The following EFR3A variants were observed in gnomAD, a reference collection of about 807,000 sequenced individuals.
The protein encoded by EFR3A is EFR3 homolog A.
EFR3A carries 76 observed loss-of-function variants against 104.4 expected under a neutral mutation model. The observed-to-expected ratio is 0.73, with a 90% CI of 0.60 to 0.88. The LOEUF is 0.88. Ranked by LOEUF, EFR3A falls within the 40% of genes least tolerant of loss-of-function variation. The probability of loss-of-function intolerance (pLI) is 0.00; values close to 1 mark genes in which losing one functional copy is unlikely to be tolerated. For synonymous variants in EFR3A, 330 were observed against 330.0 expected (o/e 1.00, Z 0.00); for missense variants, 985 against 1,012.5 (o/e 0.97, Z 0.37).
intron 1 of EFR3A, among the ~76,000 whole-genome samples, chr8:131,927,039 A>G (rs1002891034): frequency 1.1e-4 from 17 of 152,096 alleles, no homozygotes; most frequent in African/African-American, 4.1e-4. Flanking sequence ...TCAATGTAAC[A>G]TTTCACCCTG....
rs199930363 is a variant in EFR3A, at chr8:131,951,597, G to A, written c.488+1507G>A. On this transcript the variant is annotated intron_variant, in intron 5 of 22. Transcript: ENST00000254624. The stretch of plus-strand genomic sequence containing the variant: ...ATAGAAAATATCTGGAATGTAGTAC[G>A]TTTTTCTAAGTATTTATCATCCCCT... Among the ~76,000 whole-genome samples, 28 of 152,068 alleles carry A rather than the reference G, an allele frequency of 1.8e-4. No individual in the cohort carries two copies. The East Asian group carries it at 3.3e-3, about 18-fold the overall frequency.
chr8:131,907,226 A>C (rs1816300031), intron 1 of EFR3A, among the ~76,000 whole-genome samples: 1 of 152,208 alleles, frequency 6.6e-6, no homozygotes, highest in African/African-American at 2.4e-5. Flanking sequence ...CCATCCTGTC[A>C]CAGAAATCTT....
intron 18 of EFR3A, 117 bp from the exon 19 acceptor site, chr8:131,996,289 A>AATTC: frequency 3.2e-6 from 2 of 620,996 alleles, no homozygotes; most frequent in Admixed American, 7.4e-5. Flanking sequence ...AGGAACAAAA[A>AATTC]AGACAAACTG....
intron 1 of EFR3A, among the ~76,000 whole-genome samples, chr8:131,911,073 C>T (rs1404458073): frequency 6.6e-6 from 1 of 152,004 alleles, no homozygotes; most frequent in Non-Finnish European, 1.5e-5. Flanking sequence ...TTATTCTTCC[C>T]CAGAAATGCA....
At chr8:131,999,488 A>C (rs1198486962) in intron 19 of EFR3A, among the ~76,000 whole-genome samples, 2 of 152,232 alleles carry the variant, frequency 1.3e-5, no homozygotes, top group Admixed American at 6.5e-5. Context: ...AGATAAAGCA[A>C]AAGTCATAGA....
In EFR3A at chr8:131,940,566, A is replaced by G. The variant is rs752058585; in HGVS notation, c.78A>G (p.Glu26=). The G allele has an allele frequency of 1.0e-5, 16 of 1,607,640 alleles. No homozygotes were observed. The East Asian group carries it at 3.6e-4, about 36-fold the overall frequency. ...YKRLVDNIFP[E]DPKDGLVKTD... ...GCCTGGTGGACAACATATTCCCTGAAGATCCAAAAGTAATTTGATCTACAT... is the reference window on the plus strand; with the variant it reads ...GCCTGGTGGACAACATATTCCCTGAGGATCCAAAAGTAATTTGATCTACAT... The change falls in exon 2 of 23, where the codon GAA becomes GAG. Residue 26 remains glutamate (E), a synonymous_variant. Coordinates refer to ENST00000254624, the MANE Select transcript of EFR3A (RefSeq NM_015137.6).
At position 131,996,398 on chromosome 8, in the gene EFR3A, T is replaced by C; in HGVS notation, c.2066-8T>C. The C allele has an allele frequency of 1.3e-6, 2 of 1,547,976 alleles. No individual in the cohort carries two copies. Among genetic ancestry groups the C allele is most frequent in the Non-Finnish European group, 1.8e-6 (2 of 1,136,782 alleles). ...GCAAATAATGGGAAGAAAACAATTT[T>C]ATTTTAGATGAAGATCGACTTTCTA... On this transcript the variant is annotated splice_polypyrimidine_tract_variant and splice_region_variant and intron_variant, in intron 18 of 22. Coordinates refer to ENST00000254624, the MANE Select transcript of EFR3A (RefSeq NM_015137.6).
chr8:131,978,857 G>C lies in EFR3A; in HGVS notation c.1337G>C (p.Gly446Ala). 3 of 1,596,126 alleles carry C rather than the reference G, an allele frequency of 1.9e-6. No homozygotes were observed. Among genetic ancestry groups the C allele is most frequent in the Non-Finnish European group, 2.6e-6 (3 of 1,172,356 alleles). Reference sequence around the variant, plus strand: ...CTTCTCGATAATCAGGTGACCTCTGGATATAAAGCGAAGACGATTGTTACT... The same window carrying C: ...CTTCTCGATAATCAGGTGACCTCTGCATATAAAGCGAAGACGATTGTTACT... ...LLRSLLMVTS[G>A]YKAKTIVTAL... The change falls in exon 13 of 23, where the codon GGA becomes GCA. Residue 446 changes from glycine (G) to alanine (A), a missense_variant. Coordinates refer to ENST00000254624, the MANE Select transcript of EFR3A (RefSeq NM_015137.6).
intron 1 of EFR3A, among the ~76,000 whole-genome samples, chr8:131,919,133 C>T (rs1241027808): frequency 6.6e-6 from 1 of 151,748 alleles, no homozygotes; most frequent in Non-Finnish European, 1.5e-5. Flanking sequence ...AAGCCCCAAA[C>T]CTATCTTTTT....
Position 131,987,685 on chromosome 8 carries a change from A to C in EFR3A, c.2048A>C (p.Tyr683Ser), listed in dbSNP as rs763283691. Residue 683 changes from tyrosine to serine, a missense_variant, in exon 18 of 23, where the codon TAT becomes TCT. Tyr to Ser is a moderately radical substitution (Grantham distance 144). Coordinates refer to ENST00000254624, the MANE Select transcript of EFR3A (RefSeq NM_015137.6). Reference sequence around the variant, plus strand: ...AGTGTTGAGAGATTGTCAGTTCCGTATGTACCACAAGTAACAGGTAAGAGG... The same window carrying C: ...AGTGTTGAGAGATTGTCAGTTCCGTCTGTACCACAAGTAACAGGTAAGAGG... ...GYSVERLSVP[Y>S]VPQVTDEDRL... The C allele has an allele frequency of 3.1e-6, 5 of 1,594,342 alleles. No individual in the cohort carries two copies. The highest frequency in any genetic ancestry group is 4.3e-6 in the Non-Finnish European group (5 of 1,169,510).
At chr8:131,991,739 A>G (rs1335471475) in intron 18 of EFR3A, among the ~76,000 whole-genome samples, 1 of 152,130 alleles carries the variant, frequency 6.6e-6, no homozygotes, top group Non-Finnish European at 1.5e-5. Flanking sequence ...TTGGGAAGGA[A>G]CGTAAAGCTC....
At chr8:131,920,504 T>A (rs571311348) in intron 1 of EFR3A, among the ~76,000 whole-genome samples, 1 of 152,250 alleles carries the variant, frequency 6.6e-6, no homozygotes, top group South Asian at 2.1e-4. Context: ...AGAAGATAAC[T>A]TCTAGAAGTG....
intron 18 of EFR3A, among the ~76,000 whole-genome samples, chr8:131,992,905 G>A (rs999057000): frequency 6.6e-6 from 1 of 152,146 alleles, no homozygotes; most frequent in African/African-American, 2.4e-5. Flanking sequence ...TGTGGTTAGT[G>A]TTTTAAGAAG....
At chr8:132,009,133 A>G (rs1822193708) in intron 22 of EFR3A, among the ~76,000 whole-genome samples, 1 of 152,080 alleles carries the variant, frequency 6.6e-6, no homozygotes, top group Non-Finnish European at 1.5e-5. Flanking sequence ...GTTTGCAGTT[A>G]AAAATAATTA....
Position 132,013,024 on chromosome 8 carries a change from T to C in EFR3A, c.*2129T>C, listed in dbSNP as rs752410523. On this transcript the variant is annotated 3_prime_UTR_variant, in exon 23 of 23. Transcript: ENST00000254624. ...CTTGTTGACAAGGATTCCCAAGAAA[T>C]GGATCTTTTCACTGGCTGACTCTCC... 2 of 152,184 alleles carry C rather than the reference T, an allele frequency of 1.3e-5. No homozygotes were observed. The highest frequency in any genetic ancestry group is 2.9e-5 in the Non-Finnish European group (2 of 68,018). 9.4% of individuals were successfully genotyped at this position (152,184 alleles called of 1,614,324 possible). A position where few individuals can be genotyped will look rare whatever the true frequency, so the allele number is the denominator to read the frequency against.
intron 10 of EFR3A, among the ~76,000 whole-genome samples, chr8:131,972,484 T>G (rs1180949784): frequency 6.6e-6 from 1 of 151,730 alleles, no homozygotes; most frequent in Non-Finnish European, 1.5e-5. Flanking sequence ...CTGTCTGTAG[T>G]CAAAGTACAA....
At chr8:131,929,155 C>T (rs1255583281) in intron 1 of EFR3A, among the ~76,000 whole-genome samples, 1 of 152,128 alleles carries the variant, frequency 6.6e-6, no homozygotes, top group Non-Finnish European at 1.5e-5. Context: ...AAACAGAATT[C>T]ATTCTCTCTT....
chr8:131,963,004 A>T (rs564095897), intron 8 of EFR3A, among the ~76,000 whole-genome samples: 1 of 150,740 alleles, frequency 6.6e-6, no homozygotes, highest in East Asian at 1.9e-4. Context: ...AGAAATGAAG[A>T]TGTTCTTTGA....
chr8:131,999,741 A>C (rs1395416883), intron 19 of EFR3A, among the ~76,000 whole-genome samples: 1 of 152,126 alleles, frequency 6.6e-6, no homozygotes, highest in East Asian at 1.9e-4. Flanking sequence ...AGTGGGAGAT[A>C]AGATTGAAGC....
Sources: allele counts gnomAD v4.1 joint callset (sites outside exome capture counted in the v4.1 genomes callset), GRCh38; gene constraint gnomAD v4.1.1; transcripts MANE v1.5; gene names NCBI Gene and HGNC (gene_info 2026-07-23, HGNC 2026-07-21).